The following MYOCD variants were observed in gnomAD, a reference collection of about 807,000 sequenced individuals.
The protein encoded by MYOCD is myocardin.
Under a neutral mutation model 96.1 loss-of-function variants are expected in MYOCD, and 32 were observed. The observed-to-expected ratio is 0.33, with a 90% CI of 0.25 to 0.45. The LOEUF (loss-of-function observed/expected upper bound fraction) is 0.45, where lower values mean the gene tolerates loss of function less well. Ranked by LOEUF, MYOCD falls within the 20% of genes least tolerant of loss-of-function variation. The pLI, the probability that MYOCD is intolerant of heterozygous loss-of-function variation, is 1.00. For synonymous variants in MYOCD, 469 were observed against 469.0 expected, an observed-to-expected ratio of 1.00 and a Z score of 0.00; for missense variants, 1,133 against 1,200.6, an observed-to-expected ratio of 0.94 and a Z score of 0.83.
intron 2 of MYOCD, among the ~76,000 whole-genome samples, chr17:12,708,479 C>T (rs1331241233): frequency 3.9e-5 from 6 of 152,052 alleles, no homozygotes; most frequent in South Asian, 2.1e-4. Flanking sequence ...CTGCAACCTC[C>T]GTCTCCCAGG....
chr17:12,738,440 T>C (rs1301277785), intron 6 of MYOCD, among the ~76,000 whole-genome samples: 1 of 152,126 alleles, frequency 6.6e-6, no homozygotes, highest in Non-Finnish European at 1.5e-5. Context: ...TTTATACACA[T>C]GCATGCGCAC....
intron 10 of MYOCD, among the ~76,000 whole-genome samples, chr17:12,753,834 T>A (rs72635534): frequency 0.019 from 2,885 of 152,208 alleles, 145 homozygotes; most frequent in East Asian, 0.19. Flanking sequence ...AAAGGGGAAA[T>A]CATCAGATCT....
intron 2 of MYOCD, among the ~76,000 whole-genome samples, chr17:12,712,032 T>A (rs1051808265): frequency 2.6e-5 from 4 of 151,712 alleles, no homozygotes; most frequent in Non-Finnish European, 4.4e-5. Context: ...CCAGCTAATT[T>A]TTGTATTTTT....
chr17:12,696,128 C>T (rs111276775), intron 1 of MYOCD, among the ~76,000 whole-genome samples: 50 of 151,232 alleles, frequency 3.3e-4, no homozygotes, highest in Middle Eastern at 3.2e-3. Flanking sequence ...GCAATCTCGG[C>T]TCACTGCAAC....
At chr17:12,727,085 G>C (rs905933541) in intron 5 of MYOCD, among the ~76,000 whole-genome samples, 1 of 152,142 alleles carries the variant, frequency 6.6e-6, no homozygotes, top group Non-Finnish European at 1.5e-5. Context: ...TAGTTGCGGG[G>C]AATTAGGATG....
intron 1 of MYOCD, among the ~76,000 whole-genome samples, chr17:12,693,319 A>G (rs2030556398): frequency 6.6e-6 from 1 of 152,058 alleles, no homozygotes; most frequent in African/African-American, 2.4e-5. Context: ...ACAAACAAAA[A>G]AAACCATAGA....
At chr17:12,701,094 A>C (rs2031050750) in intron 1 of MYOCD, among the ~76,000 whole-genome samples, 1 of 152,190 alleles carries the variant, frequency 6.6e-6, no homozygotes, top group African/African-American at 2.4e-5. Flanking sequence ...TAATGTCTAG[A>C]ATATATGGTT....
At chr17:12,704,692 G>C (rs7215392) in intron 1 of MYOCD, among the ~76,000 whole-genome samples, 74,620 of 152,040 alleles carry the variant, frequency 0.49, 20,084 homozygotes, top group African/African-American at 0.72. Flanking sequence ...AGGAAACTGA[G>C]GGTCAGAGAG....
At chr17:12,687,888 G>A (rs1269472980) in intron 1 of MYOCD, among the ~76,000 whole-genome samples, 3 of 152,220 alleles carry the variant, frequency 2.0e-5, no homozygotes, top group African/African-American at 7.2e-5. Context: ...AGGAAGCAGT[G>A]TATCCATGGC....
intron 2 of MYOCD, among the ~76,000 whole-genome samples, chr17:12,709,567 A>T (rs972483891): frequency 1.3e-5 from 2 of 151,638 alleles, no homozygotes; most frequent in Non-Finnish European, 2.9e-5. Context: ...TTAATAAAAT[A>T]GTCTCTCAAA....
chr17:12,752,824 G>T lies in MYOCD; in HGVS notation c.1536G>T (p.Gly512=). The T allele has an allele frequency of 6.2e-7, 1 of 1,614,088 alleles. No individual in the cohort carries two copies. Among genetic ancestry groups the T allele is most frequent in the Non-Finnish European group, 8.5e-7 (1 of 1,180,016 alleles). Reference sequence around the variant, plus strand: ...GCTCTGTTCCTTCTGAGCTGGATGGGCTGGACTCCGAGAAGGACAAGATGC... The same window carrying T: ...GCTCTGTTCCTTCTGAGCTGGATGGTCTGGACTCCGAGAAGGACAAGATGC... ...NGGSVPSELD[G]LDSEKDKMLV... is the part of the protein sequence containing the mutation. The change falls in exon 10 of 14, where the codon GGG becomes GGT. Residue 512 remains glycine, a synonymous_variant. Coordinates refer to ENST00000425538, the MANE Select transcript of MYOCD (RefSeq NM_001146312.3).
rs117026544 is a variant in MYOCD, at chr17:12,736,745, G to A, written c.591+409G>A. Reference sequence around the variant, plus strand: ...TCTCTATGCACTGAGGACTCACTACGGGGCTCCAGGGAGTGGAGAGAAGGA... The same window carrying A: ...TCTCTATGCACTGAGGACTCACTACAGGGCTCCAGGGAGTGGAGAGAAGGA... On this transcript the variant is annotated intron_variant, in intron 6 of 13. Coordinates refer to ENST00000425538, the MANE Select transcript of MYOCD (RefSeq NM_001146312.3). Among the ~76,000 whole-genome samples the A allele has an allele frequency of 5.2e-4, 79 of 152,210 alleles. 1 individual carries two copies. The South Asian group carries it at 7.3e-3, about 14-fold the overall frequency.
In MYOCD at chr17:12,736,244, A is replaced by G; in HGVS notation, c.499A>G (p.Thr167Ala). Residue 167 changes from threonine (T) to alanine (A), a missense_variant, in exon 6 of 14, where the codon ACT becomes GCT. By Grantham distance (58) the Thr-to-Ala change is moderately conservative. Transcript: ENST00000425538. ...CAGCGATGGGCTTTCTCCGGATCAG[A>G]CTCGAAGTGAAGACCCCCAAAACTC... ...SSSDGLSPDQTRSEDPQNSAG... is the reference protein window; with the variant it reads ...SSSDGLSPDQARSEDPQNSAG... The G allele has an allele frequency of 6.2e-7, 1 of 1,614,180 alleles. No individual in the cohort carries two copies. The highest frequency in any genetic ancestry group is 1.3e-5 in the African/African-American group (1 of 75,034).
chr17:12,702,702 C>G (rs546033700), intron 1 of MYOCD, among the ~76,000 whole-genome samples: 1 of 151,318 alleles, frequency 6.6e-6, no homozygotes, highest in East Asian at 1.9e-4. Flanking sequence ...TAGTTACACC[C>G]TTTGTGTTTT....
intron 3 of MYOCD, 56 bp from the exon 4 acceptor site, chr17:12,717,289 TA>T: frequency 1.6e-6 from 2 of 1,249,412 alleles, no homozygotes; most frequent in South Asian, 2.6e-5. Flanking sequence ...TCCTGTGAGA[TA>T]AATTGAGTTT....
chr17:12,679,995 C>T (rs1910352656), intron 1 of MYOCD, among the ~76,000 whole-genome samples: 1 of 152,142 alleles, frequency 6.6e-6, no homozygotes, highest in Admixed American at 6.6e-5. Flanking sequence ...TTCAAATTTT[C>T]TATAATGAAC....
At chr17:12,722,694 T>A (rs2031874864) in intron 4 of MYOCD, among the ~76,000 whole-genome samples, 153 bp from the exon 5 acceptor site, 1 of 152,212 alleles carries the variant, frequency 6.6e-6, no homozygotes, top group African/African-American at 2.4e-5. Flanking sequence ...TTGGTGCTAA[T>A]CCCTGTAAAG....
intron 1 of MYOCD, among the ~76,000 whole-genome samples, chr17:12,667,671 T>A (rs1359066858): frequency 6.6e-6 from 1 of 152,188 alleles, no homozygotes; most frequent in Admixed American, 6.5e-5. Context: ...TCTAAAAGGA[T>A]CTGGTGATGT....
intron 1 of MYOCD, among the ~76,000 whole-genome samples, chr17:12,684,522 G>T (rs1597732635): frequency 6.6e-6 from 1 of 152,218 alleles, no homozygotes; most frequent in Non-Finnish European, 1.5e-5. Flanking sequence ...AAATGACAGT[G>T]CAGGGTCCAT....
Sources: gnomAD v4.1 joint callset for allele counts (sites outside exome capture counted in the v4.1 genomes callset) on GRCh38, gnomAD v4.1.1 for gene constraint, MANE v1.5 for transcripts, NCBI Gene and HGNC (gene_info 2026-07-23, HGNC 2026-07-21) for gene names.